PRKD3: variants seen among roughly 807,000 people sequenced by gnomAD.
PRKD3 encodes serine/threonine-protein kinase D3.
In PRKD3, 47 loss-of-function variants were observed where a neutral mutation model predicts 99.2. The observed-to-expected ratio is 0.47, with a 90% CI of 0.38 to 0.60. The LOEUF is 0.60. Among genes scored for constraint, PRKD3 ranks in the 20% least tolerant of loss-of-function variants. The probability of loss-of-function intolerance (pLI) is 0.00; values close to 1 mark genes in which losing one functional copy is unlikely to be tolerated. For synonymous variants in PRKD3, 392 were observed against 355.4 expected (o/e 1.10, Z -1.16); for missense variants, 1,019 against 1,088.4 (o/e 0.94, Z 0.90).
rs763884516 is a variant in PRKD3, at chr2:37,256,643, T to G, written c.2413+19A>C. 2.1e-6 allele frequency: 3 copies of G among 1,395,488 alleles called. No homozygotes were observed. The highest frequency in any genetic ancestry group is 2.8e-6 in the Non-Finnish European group (3 of 1,077,166). 86.4% of individuals were successfully genotyped at this position (1,395,488 alleles called of 1,614,324 possible). ...CATAGCCAAAATTTTTTTTTTTTTT[T>G]TTTTTTTTTTTTTTTTACCTTCACC... On this transcript the variant is annotated intron_variant, in intron 17 of 18. Transcript: ENST00000234179.
rs749545035 is a variant in PRKD3 at position 37,251,330 on chromosome 2, G to A, written c.*1847C>T. ...ACAGCATAATGGTTGGGAGGGCTAA[G>A]GGTAAGATTAGAGCCATACTACTGG... is the stretch of plus-strand genomic sequence containing the variant. On this transcript the variant is annotated 3_prime_UTR_variant, in exon 19 of 19. Transcript: ENST00000234179. 3.3e-5 allele frequency: 5 copies of A among 152,586 alleles called. No individual in the cohort carries two copies. The highest frequency in any genetic ancestry group is 5.9e-5 in the Non-Finnish European group (4 of 68,022). 9.5% of individuals were successfully genotyped at this position (152,586 alleles called of 1,614,324 possible).
chr2:37,314,851 T>C (rs1671588395), intron 2 of PRKD3, among the ~76,000 whole-genome samples: 1 of 152,138 alleles, frequency 6.6e-6, no homozygotes, highest in Non-Finnish European at 1.5e-5. Flanking sequence ...GAAGGGAAAC[T>C]AAAAGCAAAG....
chr2:37,290,523 C>T (rs375344040), intron 4 of PRKD3, among the ~76,000 whole-genome samples: 11 of 152,112 alleles, frequency 7.2e-5, no homozygotes, highest in African/African-American at 2.7e-4. Flanking sequence ...TGTGAGCCAC[C>T]GTGCCTGGCC....
intron 1 of PRKD3, among the ~76,000 whole-genome samples, chr2:37,321,397 G>C (rs1671876630): frequency 6.6e-6 from 1 of 152,116 alleles, no homozygotes; most frequent in Admixed American, 6.5e-5. Flanking sequence ...GTGAAACAAA[G>C]GCCCTGGAGG....
intron 2 of PRKD3, among the ~76,000 whole-genome samples, chr2:37,302,744 G>A (rs1189636294): frequency 6.6e-6 from 1 of 151,614 alleles, no homozygotes; most frequent in African/African-American, 2.4e-5. Flanking sequence ...TTTAGACACA[G>A]TCTCACCATA....
intron 14 of PRKD3, among the ~76,000 whole-genome samples, chr2:37,264,287 TC>T (rs1431098865): frequency 2.0e-5 from 3 of 152,230 alleles, no homozygotes; most frequent in Non-Finnish European, 4.4e-5. Context: ...TATTGTAATT[TC>T]CCACATAATA....
chr2:37,260,929 T>TA (rs1668389133), intron 14 of PRKD3, among the ~76,000 whole-genome samples: 1 of 152,242 alleles, frequency 6.6e-6, no homozygotes, highest in Non-Finnish European at 1.5e-5. Context: ...GGGTTGGAGA[T>TA]ACACAAAGAT....
At chr2:37,300,582 A>G (rs998859421) in intron 2 of PRKD3, among the ~76,000 whole-genome samples, 1 of 152,228 alleles carries the variant, frequency 6.6e-6, no homozygotes, top group African/African-American at 2.4e-5. Flanking sequence ...GGATATCCCA[A>G]TTACCCTCAT....
intron 2 of PRKD3, among the ~76,000 whole-genome samples, chr2:37,296,716 T>A (rs1362456065): frequency 6.6e-6 from 1 of 151,534 alleles, no homozygotes; most frequent in Non-Finnish European, 1.5e-5. Context: ...ACTAACACGG[T>A]GAAACCCCAT....
intron 17 of PRKD3, 85 bp from the exon 18 acceptor site, chr2:37,254,374 C>G (rs1176747617): frequency 3.1e-6 from 3 of 981,640 alleles, no homozygotes; most frequent in Non-Finnish European, 4.9e-6. Context: ...CAGTTCAACC[C>G]ATAGAAATAC....
intron 6 of PRKD3, among the ~76,000 whole-genome samples, chr2:37,285,615 T>C (rs909142727): frequency 2.0e-5 from 3 of 152,208 alleles, no homozygotes; most frequent in African/African-American, 7.2e-5. Context: ...ATTTTTATTT[T>C]GTTTAGTGTC....
At chr2:37,266,954 G>A (rs1304322094) in intron 14 of PRKD3, among the ~76,000 whole-genome samples, 1 of 152,146 alleles carries the variant, frequency 6.6e-6, no homozygotes, top group Non-Finnish European at 1.5e-5. Flanking sequence ...AATGCTAGAT[G>A]AAAAACACAT....
At chr2:37,319,831 GAATAAGTGGTTTTCA>G (rs1400324695) in intron 1 of PRKD3, among the ~76,000 whole-genome samples, 5 of 151,982 alleles carry the variant, frequency 3.3e-5, no homozygotes, top group Non-Finnish European at 5.9e-5. Flanking sequence ...AAACCAAACA[GAATAAGTGGTTTTCA>G]AATACTTGAA....
intron 1 of PRKD3, among the ~76,000 whole-genome samples, chr2:37,322,333 T>C (rs947017707): frequency 6.6e-6 from 1 of 152,262 alleles, no homozygotes. Context: ...TTATATATTT[T>C]CAAAAATACC....
At chr2:37,262,285 G>T (rs1668522411) in intron 14 of PRKD3, among the ~76,000 whole-genome samples, 1 of 151,888 alleles carries the variant, frequency 6.6e-6, no homozygotes, top group Non-Finnish European at 1.5e-5. Context: ...TCTCTCTTTG[G>T]GACTACTGCA....
chr2:37,289,532 G>A lies in PRKD3; in HGVS notation c.560-19C>T, dbSNP rs1474754549. 6.3e-7 allele frequency: 1 copy of A among 1,575,018 alleles called. No homozygotes were observed. The highest frequency in any genetic ancestry group is 8.6e-7 in the Non-Finnish European group (1 of 1,160,686). On this transcript the variant is annotated intron_variant, in intron 4 of 18. Transcript: ENST00000234179. ...CCACAGCCTAAACATATTTTACAAG[G>A]TAAAATATAAGATTTAAAAAAAAAT... is the stretch of plus-strand genomic sequence containing the variant.
Position 37,272,407 on chromosome 2 carries a change from T to C in PRKD3, c.1677A>G (p.Val559=), listed in dbSNP as rs1345224064. The C allele has an allele frequency of 2.2e-5, 35 of 1,608,208 alleles. No homozygotes were observed. The highest frequency in any genetic ancestry group is 3.0e-5 in the Non-Finnish European group (35 of 1,178,306). ...CATTCTCCTGAATCTGACAATTAGATACAGAGATACTTGTAGACAAATCTT... is the reference window on the plus strand; with the variant it reads ...CATTCTCCTGAATCTGACAATTAGACACAGAGATACTTGTAGACAAATCTT... ...DHKDLSTSIS[V]SNCQIQENVD... The change falls in exon 12 of 19, where the codon GTA becomes GTG. Residue 559 remains valine (V), a synonymous_variant. Coordinates refer to ENST00000234179, the MANE Select transcript of PRKD3 (RefSeq NM_005813.6).
intron 18 of PRKD3, 82 bp downstream of exon 18, chr2:37,254,122 T>TA: frequency 1.0e-6 from 1 of 980,408 alleles, no homozygotes; most frequent in Non-Finnish European, 1.6e-6. Context: ...CTGCTGATCT[T>TA]AGAGTGGTCT....
intron 5 of PRKD3, among the ~76,000 whole-genome samples, chr2:37,288,594 T>C (rs1670231252): frequency 6.6e-6 from 1 of 152,204 alleles, no homozygotes; most frequent in South Asian, 2.1e-4. Context: ...GAGTTATTTC[T>C]TTTTTCCTGG....
Sources: gnomAD v4.1 joint callset for allele counts (sites outside exome capture counted in the v4.1 genomes callset) on GRCh38, gnomAD v4.1.1 for gene constraint, MANE v1.5 for transcripts, NCBI Gene and HGNC (gene_info 2026-07-23, HGNC 2026-07-21) for gene names.